The following RTL4 variants were observed in gnomAD, a reference collection of about 807,000 sequenced individuals.
The protein encoded by RTL4 is retrotransposon Gag-like protein 4.
A neutral mutation model predicts 5.3 loss-of-function variants in RTL4; 4 were observed. That is an observed-to-expected ratio of 0.75 (90% CI 0.37 to 1.72). The LOEUF is 1.72. RTL4 is among the 40% of genes most tolerant of loss of function. The pLI, the probability that RTL4 is intolerant of heterozygous loss-of-function variation, is 0.04. For synonymous variants in RTL4, 98 were observed against 87.3 expected (o/e 1.12, Z -0.68); for missense variants, 260 against 227.1 (o/e 1.14, Z -0.93).
At chrX:112,252,046 C>T in the RTL4 span, among the ~76,000 whole-genome samples, 9 of 111,508 alleles carry the variant, frequency 8.1e-5, no homozygotes, top group African/African-American at 1.3e-4. Context: ...CTCTGGGGGA[C>T]GATTTGAGTG....
the RTL4 span, among the ~76,000 whole-genome samples, chrX:112,148,659 G>A: frequency 1.8e-5 from 2 of 111,622 alleles, no homozygotes; most frequent in Admixed American, 1.9e-4. Context: ...CTTTTGACCT[G>A]GGTTTGAAAC....
chrX:112,198,940 C>A, the RTL4 span, among the ~76,000 whole-genome samples: 14 of 110,593 alleles, frequency 1.3e-4, no homozygotes, highest in Non-Finnish European at 2.1e-4. Flanking sequence ...TAGGTGAGAG[C>A]AGTAGAATTG....
At chrX:112,297,280 A>T in the RTL4 span, among the ~76,000 whole-genome samples, 1 of 111,494 alleles carries the variant, frequency 9.0e-6, no homozygotes, top group African/African-American at 3.3e-5. Flanking sequence ...ACTGCTATGA[A>T]GAAATACCTG....
chrX:112,154,922 C>T, the RTL4 span, among the ~76,000 whole-genome samples: 1 of 110,909 alleles, frequency 9.0e-6, no homozygotes, highest in African/African-American at 3.3e-5. Flanking sequence ...GATGTGGGTC[C>T]ATCATTAGTG....
At chrX:112,393,298 T>G in the RTL4 span, among the ~76,000 whole-genome samples, 1 of 108,227 alleles carries the variant, frequency 9.2e-6, no homozygotes, top group African/African-American at 3.4e-5. Flanking sequence ...CTCAGCCTCC[T>G]GAGTAGCTGG....
chrX:112,150,259 T>C, the RTL4 span, among the ~76,000 whole-genome samples: 5 of 111,823 alleles, frequency 4.5e-5, no homozygotes, highest in Admixed American at 4.8e-4. Context: ...AATGCTTGTC[T>C]GTATTGGAGT....
chrX:112,439,403 A>G, the RTL4 span, among the ~76,000 whole-genome samples: 1 of 111,727 alleles, frequency 9.0e-6, no homozygotes, highest in Middle Eastern at 4.6e-3. Flanking sequence ...AAGAGTTTAG[A>G]GTTTTACTCC....
At chrX:112,388,640 GAA>G in the RTL4 span, among the ~76,000 whole-genome samples, 1 of 111,786 alleles carries the variant, frequency 8.9e-6, no homozygotes, top group Admixed American at 9.5e-5. Context: ...GAATTCTACC[GAA>G]AGTCTTTTCT....
At chrX:112,161,788 T>TCTTCATTC in the RTL4 span, among the ~76,000 whole-genome samples, 2 of 75,486 alleles carry the variant, frequency 2.6e-5, no homozygotes, top group African/African-American at 1.0e-4. Context: ...AGGTTGCTTT[T>TCTTCATTC]CTTCCTTCCT....
At chrX:112,232,720 C>T in the RTL4 span, among the ~76,000 whole-genome samples, 1 of 111,643 alleles carries the variant, frequency 9.0e-6, no homozygotes, top group African/African-American at 3.3e-5. Flanking sequence ...GTGGGCTTTC[C>T]TGAATTTAAC....
chrX:112,400,645 C>G, the RTL4 span, among the ~76,000 whole-genome samples: 1 of 111,625 alleles, frequency 9.0e-6, no homozygotes, highest in Admixed American at 9.6e-5. Context: ...GGATATTTCT[C>G]TATTTTGATA....
At chrX:112,272,066 C>T in the RTL4 span, among the ~76,000 whole-genome samples, 10 of 111,697 alleles carry the variant, frequency 9.0e-5, no homozygotes, top group African/African-American at 2.9e-4. Flanking sequence ...TAGCAAATTT[C>T]GAATGTACAA....
the RTL4 span, among the ~76,000 whole-genome samples, chrX:112,108,738 T>C: frequency 4.5e-5 from 5 of 111,893 alleles, no homozygotes; most frequent in Admixed American, 1.9e-4. Context: ...TTCAGCCACT[T>C]GGGCTGACAT....
the RTL4 span, among the ~76,000 whole-genome samples, chrX:112,332,749 G>C: frequency 9.1e-6 from 1 of 109,945 alleles, no homozygotes; most frequent in African/African-American, 3.3e-5. Flanking sequence ...GTTAATGGGT[G>C]CAGCACACCA....
chrX:112,196,834 G>A, the RTL4 span, among the ~76,000 whole-genome samples: 5 of 110,740 alleles, frequency 4.5e-5, no homozygotes, highest in African/African-American at 6.6e-5. Context: ...TTGTTCTAGC[G>A]TTTTTCTTAA....
chrX:112,365,146 A>G, the RTL4 span, among the ~76,000 whole-genome samples: 4 of 111,248 alleles, frequency 3.6e-5, no homozygotes, highest in Non-Finnish European at 7.6e-5. Context: ...CTGAAGGATC[A>G]GTAGAAATAT....
At chrX:112,176,016 G>A in the RTL4 span, among the ~76,000 whole-genome samples, 1 of 110,610 alleles carries the variant, frequency 9.0e-6, no homozygotes, top group Non-Finnish European at 1.9e-5. Context: ...AAGCTGATAA[G>A]CAACTTCAGC....
chrX:112,124,628 A>G, the RTL4 span, among the ~76,000 whole-genome samples: 1 of 107,759 alleles, frequency 9.3e-6, no homozygotes, highest in African/African-American at 3.4e-5. Context: ...GAACAATGAG[A>G]ACACATGGAC....
the RTL4 span, among the ~76,000 whole-genome samples, chrX:112,330,576 A>G: frequency 9.0e-6 from 1 of 110,895 alleles, no homozygotes; most frequent in Admixed American, 9.6e-5. Context: ...AAATGGCCAT[A>G]CTGCCCAAGG....
Sources: gnomAD v4.1 joint callset for allele counts (sites outside exome capture counted in the v4.1 genomes callset) on GRCh38, gnomAD v4.1.1 for gene constraint, MANE v1.5 for transcripts, NCBI Gene and HGNC (gene_info 2026-07-23, HGNC 2026-07-21) for gene names.